The following COPG2 variants were observed in gnomAD, a reference collection of about 807,000 sequenced individuals.
The protein encoded by COPG2 is coat protein complex I subunit gamma 2.
A neutral mutation model predicts 46.3 loss-of-function variants in COPG2; 37 were observed. The observed-to-expected ratio is 0.80, with a 90% CI of 0.61 to 1.05. The LOEUF is 1.05. Among genes scored for constraint, COPG2 ranks in the 50% least tolerant of loss-of-function variants. The probability of loss-of-function intolerance (pLI) is 0.00; values close to 1 mark genes in which losing one functional copy is unlikely to be tolerated. For synonymous variants in COPG2, 159 were observed against 129.7 expected (o/e 1.23, Z -1.53); for missense variants, 427 against 387.8 (o/e 1.10, Z -0.85).
intron 9 of COPG2, among the ~76,000 whole-genome samples, chr7:130,590,405 G>A (rs1159069477): frequency 2.6e-5 from 4 of 152,212 alleles, no homozygotes; most frequent in Admixed American, 1.3e-4. Context: ...GCAGGTGCGC[G>A]CCGCCACGCC....
At chr7:130,521,115 T>C (rs1245350936) in intron 20 of COPG2, among the ~76,000 whole-genome samples, 3 of 152,198 alleles carry the variant, frequency 2.0e-5, no homozygotes, top group African/African-American at 7.2e-5. Flanking sequence ...CCAAAAATTA[T>C]TATTCAAGCA....
chr7:130,620,903 C>T (rs981639353), intron 5 of COPG2, among the ~76,000 whole-genome samples: 9 of 152,090 alleles, frequency 5.9e-5, no homozygotes, highest in African/African-American at 2.2e-4. Flanking sequence ...ACAACAGCCC[C>T]CAAAGACATC....
chr7:130,550,411 CAAAAAAA>C (rs1158918044), intron 17 of COPG2, 106 bp downstream of exon 17: 4 of 104,476 alleles, frequency 3.8e-5, no homozygotes, highest in East Asian at 3.3e-4. Context: ...GACTCTATCT[CAAAAAAA>C]AAAAAAAAAA....
At chr7:130,572,162 G>A (rs1793918042) in intron 9 of COPG2, among the ~76,000 whole-genome samples, 1 of 151,938 alleles carries the variant, frequency 6.6e-6, no homozygotes, top group Non-Finnish European at 1.5e-5. Context: ...TGGGTGATGG[G>A]TACACCAAAA....
At chr7:130,585,391 C>T (rs1794245886) in intron 9 of COPG2, among the ~76,000 whole-genome samples, 1 of 152,058 alleles carries the variant, frequency 6.6e-6, no homozygotes, top group South Asian at 2.1e-4. Context: ...AAAAACCCTT[C>T]TACACATTGG....
intron 20 of COPG2, among the ~76,000 whole-genome samples, chr7:130,521,259 C>T (rs1036297631): frequency 4.6e-5 from 7 of 152,102 alleles, no homozygotes; most frequent in Admixed American, 1.3e-4. Flanking sequence ...AGACAGTGTC[C>T]AGGAAAGTAC....
intron 10 of COPG2, among the ~76,000 whole-genome samples, 158 bp downstream of exon 10, chr7:130,564,102 T>C (rs1793763401): frequency 6.6e-6 from 1 of 152,032 alleles, no homozygotes; most frequent in South Asian, 2.1e-4. Flanking sequence ...AAGGAACAAC[T>C]AAAATAAACT....
intron 4 of COPG2, among the ~76,000 whole-genome samples, chr7:130,658,734 G>A (rs1383964368): frequency 6.6e-6 from 1 of 151,484 alleles, no homozygotes; most frequent in Non-Finnish European, 1.5e-5. Context: ...GGGCTGGAGT[G>A]CAGTGGCACG....
chr7:130,595,747 G>T (rs1794513607), intron 9 of COPG2, among the ~76,000 whole-genome samples: 2 of 152,082 alleles, frequency 1.3e-5, no homozygotes, highest in South Asian at 4.1e-4. Flanking sequence ...TCCTTCTCAT[G>T]ATGGTGTCAA....
At chr7:130,551,441 GAT>G in intron 15 of COPG2, 97 bp from the exon 16 acceptor site, 1 of 394,476 alleles carries the variant, frequency 2.5e-6, no homozygotes, top group Non-Finnish European at 4.5e-6. Context: ...GTCGTCATCT[GAT>G]ACTACCTTTA....
At chr7:130,582,161 G>T (rs1306230316) in intron 9 of COPG2, among the ~76,000 whole-genome samples, 16 of 146,034 alleles carry the variant, frequency 1.1e-4, no homozygotes, top group Non-Finnish European at 1.8e-4. Flanking sequence ...ATAGATCAAT[G>T]GAACAGAACA....
At chr7:130,621,387 C>A (rs564356960) in intron 5 of COPG2, among the ~76,000 whole-genome samples, 4 of 152,196 alleles carry the variant, frequency 2.6e-5, no homozygotes, top group Non-Finnish European at 4.4e-5. Context: ...AGGAATGGCA[C>A]ATTTATTCTG....
chr7:130,619,849 A>T (rs782261102), intron 5 of COPG2, among the ~76,000 whole-genome samples: 7 of 152,176 alleles, frequency 4.6e-5, no homozygotes, highest in Non-Finnish European at 2.9e-5. Context: ...GTTTCTTAAA[A>T]CTTTGCAGAT....
intron 5 of COPG2, among the ~76,000 whole-genome samples, chr7:130,630,094 G>A (rs1795201244): frequency 6.6e-6 from 1 of 151,828 alleles, no homozygotes; most frequent in Non-Finnish European, 1.5e-5. Flanking sequence ...TGTATTTTTA[G>A]TAGAGATGGG....
chr7:130,572,042 T>A (rs1372464771), intron 9 of COPG2, among the ~76,000 whole-genome samples: 1 of 151,886 alleles, frequency 6.6e-6, no homozygotes, highest in Non-Finnish European at 1.5e-5. Flanking sequence ...AGCTAAGCTA[T>A]GAGGACGCAA....
At chr7:130,668,484 G>A in intron 1 of COPG2, 148 bp downstream of exon 1, 2 of 530,914 alleles carry the variant, frequency 3.8e-6, no homozygotes, top group South Asian at 6.5e-5. Flanking sequence ...GGGCAGCCGC[G>A]AGGGGAGGGG....
chr7:130,509,840 A>G, intron 20 of COPG2: 1 of 501,644 alleles, frequency 2.0e-6, no homozygotes, highest in Non-Finnish European at 4.0e-6. Context: ...GTGCGGGATT[A>G]ACAAATAGCC....
intron 20 of COPG2, among the ~76,000 whole-genome samples, chr7:130,529,994 T>C (rs1275106723): frequency 6.6e-6 from 1 of 152,038 alleles, no homozygotes; most frequent in Non-Finnish European, 1.5e-5. Flanking sequence ...TTTAGGTCAG[T>C]AGCAAATGGG....
intron 3 of COPG2, 61 bp from the exon 4 acceptor site, chr7:130,663,099 T>A (rs1476008135): frequency 1.2e-6 from 1 of 817,690 alleles, no homozygotes; most frequent in Non-Finnish European, 1.9e-6. Flanking sequence ...TATATGTACA[T>A]ATACACACAC....
Sources: allele counts gnomAD v4.1 joint callset (sites outside exome capture counted in the v4.1 genomes callset), GRCh38; gene constraint gnomAD v4.1.1; transcripts MANE v1.5; gene names NCBI Gene and HGNC (gene_info 2026-07-23, HGNC 2026-07-21).